Variants in PRKG1 observed in about 807,000 individuals in gnomAD.
PRKG1 encodes the protein cGMP-dependent protein kinase 1.
PRKG1 carries 35 observed loss-of-function variants against 88.1 expected under a neutral mutation model. The observed-to-expected ratio is 0.40, with a 90% CI of 0.30 to 0.53. The LOEUF is 0.53. Among genes scored for constraint, PRKG1 ranks in the 20% least tolerant of loss-of-function variants. The pLI, the probability that PRKG1 is intolerant of heterozygous loss-of-function variation, is 0.59. For missense variants in PRKG1, 540 were observed against 839.8 expected (o/e 0.64, Z 4.41); for synonymous variants, 303 against 292.5 (o/e 1.04, Z -0.37).
chr10:51,610,877 A>C (rs1274437999), intron 3 of PRKG1, among the ~76,000 whole-genome samples: 3 of 151,880 alleles, frequency 2.0e-5, no homozygotes, highest in Non-Finnish European at 2.9e-5. Flanking sequence ...AACAACACAC[A>C]CTGGGGCCTA....
At chr10:52,174,903 G>A (rs767554746) in intron 9 of PRKG1, among the ~76,000 whole-genome samples, 3 of 151,830 alleles carry the variant, frequency 2.0e-5, no homozygotes, top group African/African-American at 4.8e-5. Context: ...TATGTACGGG[G>A]TATATAATGA....
At chr10:51,233,249 A>G (rs1050101664) in intron 2 of PRKG1, among the ~76,000 whole-genome samples, 2 of 152,134 alleles carry the variant, frequency 1.3e-5, no homozygotes, top group African/African-American at 2.4e-5. Context: ...TCACATAATA[A>G]CCATCTGTTT....
intron 2 of PRKG1, among the ~76,000 whole-genome samples, chr10:51,262,563 G>T (rs10996399): frequency 6.6e-6 from 1 of 152,148 alleles, no homozygotes; most frequent in Non-Finnish European, 1.5e-5. Context: ...GTTTGACATC[G>T]TATAAAGCCC....
intron 2 of PRKG1, among the ~76,000 whole-genome samples, chr10:51,298,395 A>G (rs1397603761): frequency 6.6e-6 from 1 of 152,188 alleles, no homozygotes; most frequent in Non-Finnish European, 1.5e-5. Context: ...AGCTCCACCA[A>G]TTACTGATTA....
chr10:52,046,177 T>A (rs1845858266), intron 5 of PRKG1, among the ~76,000 whole-genome samples: 4 of 152,128 alleles, frequency 2.6e-5, no homozygotes, highest in Admixed American at 6.6e-5. Context: ...AGGTTGAAGG[T>A]CACTGGGTTA....
intron 3 of PRKG1, among the ~76,000 whole-genome samples, chr10:51,542,429 A>G (rs1241735483): frequency 2.6e-5 from 4 of 152,088 alleles, no homozygotes; most frequent in Admixed American, 6.6e-5. Flanking sequence ...GCTTGGAGAG[A>G]TTTAGTGCCC....
intron 3 of PRKG1, among the ~76,000 whole-genome samples, chr10:51,470,460 C>T (rs1186337227): frequency 1.3e-5 from 2 of 151,880 alleles, no homozygotes; most frequent in African/African-American, 4.8e-5. Flanking sequence ...TAACATCACC[C>T]ACTTTCCTTC....
At chr10:51,132,469 ATC>A (rs1845589178) in intron 1 of PRKG1, among the ~76,000 whole-genome samples, 1 of 152,114 alleles carries the variant, frequency 6.6e-6, no homozygotes, top group Non-Finnish European at 1.5e-5. Flanking sequence ...TACAAATGTC[ATC>A]ATAAGGCTAT....
intron 7 of PRKG1, among the ~76,000 whole-genome samples, chr10:52,118,601 G>A (rs980962019): frequency 3.3e-5 from 5 of 151,922 alleles, no homozygotes; most frequent in Non-Finnish European, 7.4e-5. Flanking sequence ...TGCCATGTTT[G>A]CTTTTTTTCC....
At chr10:51,242,629 G>A (rs1839184054) in intron 2 of PRKG1, among the ~76,000 whole-genome samples, 1 of 152,120 alleles carries the variant, frequency 6.6e-6, no homozygotes, top group Non-Finnish European at 1.5e-5. Context: ...AGACAAGTTA[G>A]TTATGTAACA....
At chr10:51,116,908 T>C (rs1845136573) in intron 1 of PRKG1, among the ~76,000 whole-genome samples, 1 of 152,144 alleles carries the variant, frequency 6.6e-6, no homozygotes, top group South Asian at 2.1e-4. Context: ...GGTGGGAGCC[T>C]GGAGAATCAG....
At chr10:51,581,729 T>G (rs1266718131) in intron 3 of PRKG1, among the ~76,000 whole-genome samples, 2 of 151,952 alleles carry the variant, frequency 1.3e-5, no homozygotes, top group Non-Finnish European at 2.9e-5. Context: ...ATTTCATCTT[T>G]TATTCCATAG....
chr10:51,711,402 C>T (rs1369594334), intron 3 of PRKG1, among the ~76,000 whole-genome samples: 1 of 152,186 alleles, frequency 6.6e-6, no homozygotes, highest in Admixed American at 6.5e-5. Context: ...CTGCGCCTGG[C>T]CTGACCTTTC....
intron 3 of PRKG1, among the ~76,000 whole-genome samples, chr10:51,790,504 C>A (rs1288970060): frequency 2.6e-5 from 4 of 152,056 alleles, no homozygotes; most frequent in Admixed American, 1.3e-4. Context: ...AATTAATTGC[C>A]CAAAGCCACA....
At chr10:51,238,555 C>T (rs1344647224) in intron 2 of PRKG1, among the ~76,000 whole-genome samples, 1 of 151,512 alleles carries the variant, frequency 6.6e-6, no homozygotes. Context: ...GCACTCCAGC[C>T]TTGGCAACAA....
chr10:51,220,702 A>G (rs1342832718), intron 2 of PRKG1, among the ~76,000 whole-genome samples: 1 of 152,188 alleles, frequency 6.6e-6, no homozygotes, highest in Non-Finnish European at 1.5e-5. Context: ...TTTTTCACTT[A>G]TATCTATCTA....
At chr10:51,464,317 A>G (rs1839826125) in intron 2 of PRKG1, among the ~76,000 whole-genome samples, 1 of 152,010 alleles carries the variant, frequency 6.6e-6, no homozygotes, top group African/African-American at 2.4e-5. Context: ...GATCATTCTC[A>G]TCTATCATAT....
At chr10:52,197,527 G>A (rs1182062612) in intron 9 of PRKG1, among the ~76,000 whole-genome samples, 2 of 152,172 alleles carry the variant, frequency 1.3e-5, no homozygotes, top group African/African-American at 4.8e-5. Context: ...TGCTGCACAT[G>A]AAGCCACCAT....
At chr10:51,880,850 G>A (rs1001393649) in intron 4 of PRKG1, among the ~76,000 whole-genome samples, 6 of 152,126 alleles carry the variant, frequency 3.9e-5, no homozygotes, top group Non-Finnish European at 1.5e-5. Context: ...ATTAAGTATT[G>A]AGTATCTTTA....
Sources: allele counts gnomAD v4.1 joint callset (sites outside exome capture counted in the v4.1 genomes callset), GRCh38; gene constraint gnomAD v4.1.1; transcripts MANE v1.5; gene names NCBI Gene and HGNC (gene_info 2026-07-23, HGNC 2026-07-21).